CSMD1: variants seen among roughly 807,000 people sequenced by gnomAD.
The protein encoded by CSMD1 is CUB and sushi domain-containing protein 1.
Under a neutral mutation model 417.5 loss-of-function variants are expected in CSMD1, and 213 were observed. That is an observed-to-expected ratio of 0.51 (90% CI 0.46 to 0.57). CSMD1 has a LOEUF of 0.57. Among genes scored for constraint, CSMD1 ranks in the 20% least tolerant of loss-of-function variants. The probability of loss-of-function intolerance (pLI) is 0.00; values close to 1 mark genes in which losing one functional copy is unlikely to be tolerated. For missense variants in CSMD1, 6,923 were observed against 4,529.7 expected (o/e 1.53, Z -15.17); for synonymous variants, 2,862 against 1,736.8 (o/e 1.65, Z -16.11).
chr8:3,962,061 G>A (rs1036645758), intron 5 of CSMD1, among the ~76,000 whole-genome samples: 4 of 152,160 alleles, frequency 2.6e-5, no homozygotes, highest in African/African-American at 9.7e-5. Flanking sequence ...AAGGTGCACG[G>A]ACCATCATTC....
chr8:3,722,547 A>C (rs968338999), intron 6 of CSMD1, among the ~76,000 whole-genome samples: 1 of 152,070 alleles, frequency 6.6e-6, no homozygotes, highest in African/African-American at 2.4e-5. Flanking sequence ...AACCCTTCTT[A>C]CCTCTTGTCA....
At chr8:4,886,983 G>A (rs535162765) in intron 1 of CSMD1, among the ~76,000 whole-genome samples, 3 of 151,762 alleles carry the variant, frequency 2.0e-5, no homozygotes, top group Non-Finnish European at 2.9e-5. Context: ...ATCATTTTCT[G>A]CTCAACTCTT....
rs760317099 is a variant in CSMD1 at position 3,087,132 on chromosome 8, A to G, written c.7439T>C (p.Met2480Thr). The G allele has an allele frequency of 4.3e-6, 7 of 1,613,740 alleles. No homozygotes were observed. The highest frequency in any genetic ancestry group is 2.2e-5 in the South Asian group (2 of 91,058). The change falls in exon 49 of 70, where the codon ATG (methionine) becomes ACG (threonine). Residue 2480 changes from methionine (M) to threonine (T), a missense_variant. Transcript: ENST00000635120. ...TGGCGTGAGGGAGTCCCACTGGTACATGCCAAGTGGGTTTCGTCTACAGGT... is the reference window on the plus strand; with the variant it reads ...TGGCGTGAGGGAGTCCCACTGGTACGTGCCAAGTGGGTTTCGTCTACAGGT... ...NATCRRNPLG[M>T]YQWDSLTPLC... is the part of the protein sequence containing the mutation.
intron 6 of CSMD1, among the ~76,000 whole-genome samples, chr8:3,727,487 A>G (rs1488051782): frequency 1.3e-5 from 2 of 152,184 alleles, no homozygotes; most frequent in African/African-American, 4.8e-5. Flanking sequence ...AAAGAGTAAG[A>G]AGCTAGAGCT....
intron 5 of CSMD1, among the ~76,000 whole-genome samples, chr8:3,790,077 G>T (rs1002811109): frequency 2.6e-5 from 4 of 152,120 alleles, no homozygotes; most frequent in Non-Finnish European, 4.4e-5. Flanking sequence ...GTCAATGAAG[G>T]TCCATTATAT....
intron 3 of CSMD1, among the ~76,000 whole-genome samples, chr8:4,385,638 A>G (rs1427833243): frequency 6.6e-6 from 1 of 152,210 alleles, no homozygotes; most frequent in Non-Finnish European, 1.5e-5. Context: ...AACAGATGCA[A>G]AGACAATTGG....
In CSMD1 at chr8:4,750,791, C is replaced by T. The variant is rs564543206; in HGVS notation, c.86-113233G>A. On this transcript the variant is annotated intron_variant, in intron 1 of 69. Transcript: ENST00000635120. ...AAAGTAGTATTAGCATAAAATGTTT[C>T]GTTGGTTGCTTTTTTATGCTTGTTT... 2.6e-5 allele frequency among the ~76,000 whole-genome samples: 4 copies of T among 151,332 alleles called. No homozygotes were observed. The East Asian group carries it at 5.8e-4, about 22-fold the overall frequency.
chr8:3,590,645 T>C (rs139852796), intron 8 of CSMD1, among the ~76,000 whole-genome samples: 2,226 of 152,270 alleles, frequency 0.015, 24 homozygotes, highest in Non-Finnish European at 0.024. Context: ...CAATAGAATA[T>C]GGAAGCTTCT....
intron 26 of CSMD1, among the ~76,000 whole-genome samples, chr8:3,277,688 C>A (rs1332024147): frequency 2.0e-5 from 3 of 152,120 alleles, no homozygotes; most frequent in Non-Finnish European, 2.9e-5. Context: ...TGTTGAGTTG[C>A]CTCTCTGCAT....
intron 7 of CSMD1, among the ~76,000 whole-genome samples, chr8:3,657,755 T>G (rs933648920): frequency 6.6e-6 from 1 of 152,098 alleles, no homozygotes; most frequent in African/African-American, 2.4e-5. Context: ...GATGATGGGT[T>G]GATGGGCACA....
chr8:4,096,872 A>G (rs1000330353), intron 3 of CSMD1, among the ~76,000 whole-genome samples: 1 of 152,196 alleles, frequency 6.6e-6, no homozygotes, highest in Admixed American at 6.5e-5. Flanking sequence ...CTGCAAAGCC[A>G]TCTTGCAATT....
chr8:4,168,170 CACACACAT>C (rs1237287582), intron 3 of CSMD1, among the ~76,000 whole-genome samples: 11 of 150,758 alleles, frequency 7.3e-5, no homozygotes, highest in African/African-American at 9.8e-5. Flanking sequence ...CACACACACA[CACACACAT>C]ACACACACAC....
intron 1 of CSMD1, among the ~76,000 whole-genome samples, chr8:4,829,601 C>G (rs1215458756): frequency 2.0e-5 from 3 of 151,964 alleles, no homozygotes. Flanking sequence ...ATTAGCTGGG[C>G]ACAGTGGTCA....
chr8:3,005,524 T>G lies in CSMD1; in HGVS notation c.8030-5393A>C, dbSNP rs557869181. Among the ~76,000 whole-genome samples, 5 of 152,256 alleles carry G rather than the reference T, an allele frequency of 3.3e-5. No homozygotes were observed. In the South Asian group the frequency reaches 1.0e-3, roughly 32 times the overall value. ...TGAACATTGATGCAAAAATCCTCAA[T>G]AAAATACTGGCAAAATGAATCCAGC... On this transcript the variant is annotated intron_variant, in intron 52 of 69. Coordinates refer to ENST00000635120, the MANE Select transcript of CSMD1 (RefSeq NM_033225.6).
chr8:3,485,713 T>C (rs930315459), intron 11 of CSMD1, among the ~76,000 whole-genome samples: 2 of 151,342 alleles, frequency 1.3e-5, no homozygotes, highest in African/African-American at 4.9e-5. Context: ...TGAGTTGAGA[T>C]TGTGCCACTG....
rs192928949 is a variant in CSMD1, at chr8:4,078,242, G to A, written c.416-46143C>T. Among the ~76,000 whole-genome samples, 291 of 149,982 alleles carry A rather than the reference G, an allele frequency of 1.9e-3. 3 individuals are homozygous for A. The highest frequency in any genetic ancestry group is 6.6e-3 in the African/African-American group (268 of 40,742). ...TTTTAATTTTCTTACACATATAAAC[G>A]TATTACGTAATTGCACTATGCATTG... On this transcript the variant is annotated intron_variant, in intron 3 of 69. Transcript: ENST00000635120.
At chr8:4,242,271 C>T (rs1388246879) in intron 3 of CSMD1, among the ~76,000 whole-genome samples, 1 of 152,128 alleles carries the variant, frequency 6.6e-6, no homozygotes, top group Non-Finnish European at 1.5e-5. Context: ...TCTGTGAATG[C>T]TTTACAGTGA....
At chr8:4,108,378 C>T (rs1038680636) in intron 3 of CSMD1, among the ~76,000 whole-genome samples, 1 of 152,122 alleles carries the variant, frequency 6.6e-6, no homozygotes, top group South Asian at 2.1e-4. Context: ...GTATCTGTAT[C>T]AAGAACTACT....
At chr8:4,251,418 A>T (rs185479180) in intron 3 of CSMD1, among the ~76,000 whole-genome samples, 1 of 152,200 alleles carries the variant, frequency 6.6e-6, no homozygotes, top group African/African-American at 2.4e-5. Context: ...ATTTTGAGCA[A>T]TAACATGAGA....
Sources: allele counts gnomAD v4.1 joint callset (sites outside exome capture counted in the v4.1 genomes callset), GRCh38; gene constraint gnomAD v4.1.1; transcripts MANE v1.5; gene names NCBI Gene and HGNC (gene_info 2026-07-23, HGNC 2026-07-21).